The following MPP3 variants were observed in gnomAD, a reference collection of about 807,000 sequenced individuals.
MPP3 encodes MAGUK p55 scaffold protein 3, also known as MAGUK p55 subfamily member 3.
A neutral mutation model predicts 80.7 loss-of-function variants in MPP3; 48 were observed. That is an observed-to-expected ratio of 0.59 (90% confidence interval 0.47 to 0.76). The LOEUF (loss-of-function observed/expected upper bound fraction) is 0.76, where lower values mean the gene tolerates loss of function less well. MPP3 is among the 30% of genes least tolerant of loss of function. The pLI is 0.00. For missense variants in MPP3, 620 were observed against 763.0 expected (o/e 0.81, Z 2.21); for synonymous variants, 311 against 297.6 (o/e 1.04, Z -0.46).
intron 9 of MPP3, 49 bp from the exon 10 acceptor site, chr17:43,824,054 C>T (rs1567819805): frequency 7.3e-7 from 1 of 1,371,732 alleles, no homozygotes; most frequent in Non-Finnish European, 1.0e-6. Flanking sequence ...TCTAACCCTC[C>T]AAGAGTTCAA....
intron 10 of MPP3, among the ~76,000 whole-genome samples, chr17:43,821,899 T>A (rs1339682495): frequency 5.9e-5 from 9 of 152,302 alleles, no homozygotes; most frequent in African/African-American, 1.9e-4. Flanking sequence ...TTCTGGCATA[T>A]GTTGTGGGGA....
chr17:43,813,391 TCTTGGTGCATTA>T (rs2044959580), intron 16 of MPP3, among the ~76,000 whole-genome samples: 1 of 152,046 alleles, frequency 6.6e-6, no homozygotes, highest in Non-Finnish European at 1.5e-5. Context: ...ACATAAAAGC[TCTTGGTGCATTA>T]CCTGGCACCT....
At chr17:43,818,159 C>T in intron 11 of MPP3, 49 bp from the exon 12 acceptor site, 2 of 1,420,272 alleles carry the variant, frequency 1.4e-6, no homozygotes, top group South Asian at 3.1e-5. Flanking sequence ...GGCCAGATAA[C>T]CACTTGAAAG....
chr17:43,814,105 A>C lies in MPP3; in HGVS notation c.1175-14T>G. Reference sequence around the variant, plus strand: ...CTCCCAGAGACCCTGGGAAACAAGAAGAAGGCTGACCAGGGTCCCTGCTGA... The same window carrying C: ...CTCCCAGAGACCCTGGGAAACAAGACGAAGGCTGACCAGGGTCCCTGCTGA... On this transcript the variant is annotated splice_polypyrimidine_tract_variant and intron_variant, in intron 15 of 19. Transcript: ENST00000398389. 6.2e-7 allele frequency: 1 copy of C among 1,608,512 alleles called. No individual in the cohort carries two copies.
chr17:43,818,190 G>A, intron 11 of MPP3, 80 bp from the exon 12 acceptor site: 2 of 1,315,274 alleles, frequency 1.5e-6, no homozygotes, highest in Non-Finnish European at 1.0e-6. Context: ...GAAAACTTGG[G>A]AAGCCAAGGC....
rs763114454 is a variant in MPP3 at position 43,831,876 on chromosome 17, A to T, written c.25+6T>A. 2.5e-6 allele frequency: 4 copies of T among 1,607,230 alleles called. No individual in the cohort carries two copies. In the Admixed American group the frequency reaches 6.9e-5, roughly 28 times the overall value. On this transcript the variant is annotated splice_donor_region_variant and intron_variant, in intron 3 of 19. Transcript: ENST00000398389. ...GTGGCAGGTCCAGCCGGGGGGAGGT[A>T]CTTACCAGAGTCCTCCGATAGCACT...
chr17:43,801,386 C>T lies in MPP3; in HGVS notation c.*315G>A, dbSNP rs966189028. ...GAATCAGTACTGTATAAATTAACCA[C>T]TACCACCCACAAAAGACAGTGGCTA... is the stretch of plus-strand genomic sequence containing the variant. On this transcript the variant is annotated 3_prime_UTR_variant, in exon 20 of 20. Coordinates refer to ENST00000398389, the MANE Select transcript of MPP3 (RefSeq NM_001932.6). 2.2e-4 allele frequency: 73 copies of T among 328,474 alleles called. 1 individual carries two copies. The highest frequency in any genetic ancestry group is 1.5e-3 in the African/African-American group (69 of 45,598). The allele number at this position is 328,474 out of a possible 1,614,324, so 20.3% of individuals were successfully genotyped here. A position where few individuals can be genotyped will look rare whatever the true frequency, so the allele number is the denominator to read the frequency against.
chr17:43,812,471 A>G (rs1046987344), intron 16 of MPP3, among the ~76,000 whole-genome samples: 2 of 152,228 alleles, frequency 1.3e-5, no homozygotes, highest in East Asian at 1.9e-4. Flanking sequence ...CCAACCTCTC[A>G]GCTCCATTTT....
intron 11 of MPP3, among the ~76,000 whole-genome samples, chr17:43,820,203 C>T (rs2154591352): frequency 6.6e-6 from 1 of 152,232 alleles, no homozygotes; most frequent in Non-Finnish European, 1.5e-5. Flanking sequence ...CCTCGGCTTC[C>T]CAAAGTGCTG....
intron 5 of MPP3, among the ~76,000 whole-genome samples, chr17:43,830,783 C>T (rs565464863): frequency 3.9e-5 from 6 of 152,296 alleles, no homozygotes; most frequent in East Asian, 3.9e-4. Flanking sequence ...GCAACATAGA[C>T]GACTAGGTCC....
chr17:43,820,811 T>C (rs1364947703), intron 11 of MPP3, 51 bp downstream of exon 11: 3 of 1,569,228 alleles, frequency 1.9e-6, no homozygotes, highest in South Asian at 1.1e-5. Context: ...GCCATGTACC[T>C]GTGCCTCTGC....
chr17:43,813,061 A>T (rs1277160180), intron 16 of MPP3, among the ~76,000 whole-genome samples: 1 of 152,202 alleles, frequency 6.6e-6, no homozygotes, highest in East Asian at 1.9e-4. Context: ...TAGGGCCCCC[A>T]CAGCACCCCT....
In MPP3 at chr17:43,814,029, A is replaced by C; in HGVS notation, c.1237T>G (p.Phe413Val). The C allele has an allele frequency of 1.2e-6, 2 of 1,613,072 alleles. No individual in the cohort carries two copies. The highest frequency in any genetic ancestry group is 1.7e-6 in the Non-Finnish European group (2 of 1,179,356). ...QKVVAENPQH[F>V]GVAVPHTTRP... ...CTCTTACGTGGAACAGCGACGCCAA[A>C]GTGCTGTGGGTTCTCAGCCACCACC... The change falls in exon 16 of 20, where the codon TTT becomes GTT. Residue 413 changes from phenylalanine (F) to valine (V), a missense_variant. Coordinates refer to ENST00000398389, the MANE Select transcript of MPP3 (RefSeq NM_001932.6).
At chr17:43,806,194 CTTGCTCTGTCGCCCA>C (rs1239410685) in intron 19 of MPP3, among the ~76,000 whole-genome samples, 5 of 152,180 alleles carry the variant, frequency 3.3e-5, no homozygotes, top group African/African-American at 1.2e-4. Context: ...GAGACAGAGT[CTTGCTCTGTCGCCCA>C]GGCTGAAGTA....
At chr17:43,816,354 A>G (rs908900131) in intron 13 of MPP3, among the ~76,000 whole-genome samples, 9 of 152,196 alleles carry the variant, frequency 5.9e-5, no homozygotes, top group African/African-American at 1.9e-4. Flanking sequence ...CAGTGTGAAT[A>G]GGGAGGGATT....
At chr17:43,820,304 A>G (rs2045369923) in intron 11 of MPP3, among the ~76,000 whole-genome samples, 1 of 152,148 alleles carries the variant, frequency 6.6e-6, no homozygotes. Context: ...GCATTATAAA[A>G]TATACATTAA....
Position 43,801,834 on chromosome 17 carries a change from T to G in MPP3, c.1625A>C (p.Asp542Ala). ...QEMAASAAFIDRHYGHLVDAV... is the reference protein window; with the variant it reads ...QEMAASAAFIARHYGHLVDAV... ...GTCTACCAGGTGCCCGTAATGCCGGTCTATGAAGGCGGCAGAAGCGGCCAT... is the reference window on the plus strand; with the variant it reads ...GTCTACCAGGTGCCCGTAATGCCGGGCTATGAAGGCGGCAGAAGCGGCCAT... Residue 542 changes from aspartate to alanine, a missense_variant, in exon 20 of 20, where the codon GAC becomes GCC. Transcript: ENST00000398389. 1 of 1,613,944 alleles carries G rather than the reference T, an allele frequency of 6.2e-7. No homozygotes were observed. The highest frequency in any genetic ancestry group is 8.5e-7 in the Non-Finnish European group (1 of 1,179,984).
At chr17:43,817,149 G>C (rs2045184758) in intron 12 of MPP3, among the ~76,000 whole-genome samples, 1 of 152,190 alleles carries the variant, frequency 6.6e-6, no homozygotes, top group Non-Finnish European at 1.5e-5. Flanking sequence ...CTGGTCACCT[G>C]GCACCTGCTC....
chr17:43,816,716 A>C lies in MPP3; in HGVS notation c.947-19T>G. The C allele has an allele frequency of 6.4e-7, 1 of 1,570,360 alleles. No individual in the cohort carries two copies. The highest frequency in any genetic ancestry group is 1.3e-5 in the African/African-American group (1 of 74,184). ...TGATCATCTGCGGTTTGCACAAAAGACAGATGGAACAGCATTAGTGGAGGG... is the reference window on the plus strand; with the variant it reads ...TGATCATCTGCGGTTTGCACAAAAGCCAGATGGAACAGCATTAGTGGAGGG... On this transcript the variant is annotated intron_variant, in intron 12 of 19. Coordinates refer to ENST00000398389, the MANE Select transcript of MPP3 (RefSeq NM_001932.6).
Sources: gnomAD v4.1 joint callset for allele counts (sites outside exome capture counted in the v4.1 genomes callset) on GRCh38, gnomAD v4.1.1 for gene constraint, MANE v1.5 for transcripts, NCBI Gene and HGNC (gene_info 2026-07-23, HGNC 2026-07-21) for gene names.